Variants in WTAP observed in about 807,000 individuals in gnomAD.
WTAP encodes the protein WT1 associated protein, also known as pre-mRNA-splicing regulator WTAP.
In WTAP, 8 loss-of-function variants were observed where a neutral mutation model predicts 50.0. The observed-to-expected ratio is 0.16, with a 90% confidence interval of 0.09 to 0.29. WTAP has a LOEUF of 0.29. Ranked by LOEUF, WTAP falls within the 10% of genes least tolerant of loss-of-function variation. The pLI, the probability that WTAP is intolerant of heterozygous loss-of-function variation, is 1.00. For synonymous variants in WTAP, 194 were observed against 169.0 expected (o/e 1.15, Z -1.15); for missense variants, 295 against 470.7 (o/e 0.63, Z 3.45).
intron 1 of WTAP, among the ~76,000 whole-genome samples, chr6:159,733,239 T>C (rs1326214972): frequency 1.1e-4 from 16 of 152,232 alleles, no homozygotes. Flanking sequence ...ACAGAGTGAC[T>C]TGCTCAGTGA....
intron 3 of WTAP, chr6:159,741,884 G>A (rs973374722): frequency 1.9e-5 from 8 of 429,212 alleles, no homozygotes; most frequent in East Asian, 9.8e-5. Flanking sequence ...CAGGGACATC[G>A]CTTGAGCCCA....
rs1457941214 is a variant in WTAP at position 159,756,128 on chromosome 6, G to C, written c.*517G>C. The stretch of plus-strand genomic sequence containing the variant: ...TTGATGGAGTCCTGTAGTAGTTTCA[G>C]TGTTAGATACAGTTTTTTCCACCAT... On this transcript the variant is annotated 3_prime_UTR_variant, in exon 8 of 8. Coordinates refer to ENST00000621533, the MANE Select transcript of WTAP (RefSeq NM_001270531.2). 1 of 152,888 alleles carries C rather than the reference G, an allele frequency of 6.5e-6. No homozygotes were observed. Among genetic ancestry groups the C allele is most frequent in the Non-Finnish European group, 1.5e-5 (1 of 68,276 alleles). 9.5% of individuals were successfully genotyped at this position (152,888 alleles called of 1,614,324 possible).
At chr6:159,729,634 A>G (rs538509169) in intron 1 of WTAP, among the ~76,000 whole-genome samples, 3 of 152,376 alleles carry the variant, frequency 2.0e-5, no homozygotes, top group African/African-American at 7.2e-5. Context: ...TTTGTGAGAC[A>G]GGCAAAATTA....
intron 2 of WTAP, among the ~76,000 whole-genome samples, chr6:159,737,545 G>C (rs1778995948): frequency 6.6e-6 from 1 of 151,996 alleles, no homozygotes; most frequent in African/African-American, 2.4e-5. Flanking sequence ...CCATGCTGGA[G>C]TGCAGTGGTA....
At chr6:159,751,999 G>C (rs917751620) in intron 6 of WTAP, among the ~76,000 whole-genome samples, 2 of 150,586 alleles carry the variant, frequency 1.3e-5, no homozygotes, top group Admixed American at 1.3e-4. Flanking sequence ...GGACGTCAAG[G>C]CTCCAGTGAG....
intron 6 of WTAP, among the ~76,000 whole-genome samples, chr6:159,752,957 C>A (rs1391040123): frequency 1.3e-5 from 2 of 152,134 alleles, no homozygotes; most frequent in Non-Finnish European, 2.9e-5. Context: ...GGAGGACTTC[C>A]TGTTAAGGAA....
At chr6:159,747,967 T>C (rs1442386403) in intron 5 of WTAP, among the ~76,000 whole-genome samples, 2 of 152,214 alleles carry the variant, frequency 1.3e-5, no homozygotes, top group Non-Finnish European at 2.9e-5. Flanking sequence ...TCAATACATA[T>C]AATGTATAGT....
intron 5 of WTAP, among the ~76,000 whole-genome samples, chr6:159,744,109 T>C (rs1288093128): frequency 1.3e-5 from 2 of 152,208 alleles, no homozygotes; most frequent in African/African-American, 2.4e-5. Context: ...ATTTGCTCTT[T>C]ATTGCTTTAC....
chr6:159,732,874 G>A (rs373579028), intron 1 of WTAP, among the ~76,000 whole-genome samples: 5 of 125,366 alleles, frequency 4.0e-5, no homozygotes, highest in Middle Eastern at 4.2e-3. Context: ...CTCTCTCTCT[G>A]TATATATATA....
At chr6:159,728,326 C>T (rs922168201) in intron 1 of WTAP, among the ~76,000 whole-genome samples, 1 of 151,918 alleles carries the variant, frequency 6.6e-6, no homozygotes, top group African/African-American at 2.4e-5. Flanking sequence ...AGCCCGAGTT[C>T]TTGTTTTGAT....
At chr6:159,726,993 C>T, upstream of WTAP, 5 of 1,273,704 alleles carry the variant, frequency 3.9e-6, no homozygotes, top group Non-Finnish European at 5.1e-6. Flanking sequence ...GCCGCCTTCG[C>T]CCAGATCCCT....
At chr6:159,744,529 G>GT (rs1450891033) in intron 5 of WTAP, among the ~76,000 whole-genome samples, 1 of 58,570 alleles carries the variant, frequency 1.7e-5, no homozygotes, top group Non-Finnish European at 3.9e-5. Context: ...GCACAGTCCT[G>GT]TTCTGTTTCT....
chr6:159,751,448 G>A (rs1046854459), intron 6 of WTAP, among the ~76,000 whole-genome samples: 1 of 152,214 alleles, frequency 6.6e-6, no homozygotes, highest in African/African-American at 2.4e-5. Context: ...AGCATAGGCA[G>A]TAAAGTGGAA....
intron 3 of WTAP, among the ~76,000 whole-genome samples, chr6:159,739,824 C>CTTTTTTTTTTT (rs56389349): frequency 9.4e-5 from 8 of 85,188 alleles, no homozygotes; most frequent in East Asian, 4.7e-4. Context: ...CACTTTTTAC[C>CTTTTTTTTTTT]TTTTTTTTTT....
chr6:159,729,168 T>G (rs1468362978), intron 1 of WTAP, among the ~76,000 whole-genome samples: 1 of 152,258 alleles, frequency 6.6e-6, no homozygotes, highest in Admixed American at 6.5e-5. Context: ...TGGTCTTGTA[T>G]GTAGTATTGA....
intron 2 of WTAP, among the ~76,000 whole-genome samples, chr6:159,737,215 AT>A (rs1174322651): frequency 1.3e-5 from 2 of 151,886 alleles, no homozygotes; most frequent in African/African-American, 2.4e-5. Flanking sequence ...CGCCCAGCTA[AT>A]TTTTGTATTT....
At chr6:159,741,982 G>A in intron 3 of WTAP, 106 bp from the exon 4 acceptor site, 1 of 830,298 alleles carries the variant, frequency 1.2e-6, no homozygotes, top group African/African-American at 1.8e-5. Flanking sequence ...GAAAAATCCA[G>A]AAGAATGCTC....
chr6:159,749,795 T>C (rs1480079326), intron 6 of WTAP, among the ~76,000 whole-genome samples: 7 of 152,216 alleles, frequency 4.6e-5, no homozygotes, highest in Admixed American at 4.6e-4. Context: ...CATTTAATCA[T>C]TTAGATAAAT....
intron 1 of WTAP, among the ~76,000 whole-genome samples, chr6:159,728,490 G>C (rs992399803): frequency 6.6e-6 from 1 of 152,204 alleles, no homozygotes; most frequent in Non-Finnish European, 1.5e-5. Context: ...ACAATTGGAA[G>C]TTGTATTTGT....
Sources: gnomAD v4.1 joint callset for allele counts (sites outside exome capture counted in the v4.1 genomes callset) on GRCh38, gnomAD v4.1.1 for gene constraint, MANE v1.5 for transcripts, NCBI Gene and HGNC (gene_info 2026-07-23, HGNC 2026-07-21) for gene names.